Variants in ARHGEF6 observed in about 807,000 individuals in gnomAD.
ARHGEF6 encodes the protein rho guanine nucleotide exchange factor 6.
ARHGEF6 carries 9 observed loss-of-function variants against 70.3 expected under a neutral mutation model. That is an observed-to-expected ratio of 0.13 (90% confidence interval 0.08 to 0.22). The LOEUF (loss-of-function observed/expected upper bound fraction) is 0.22, where lower values mean the gene tolerates loss of function less well. Ranked by LOEUF, ARHGEF6 falls within the 10% of genes least tolerant of loss-of-function variation. The pLI is 1.00. For synonymous variants in ARHGEF6, 201 were observed against 207.8 expected, an observed-to-expected ratio of 0.97 and a Z score of 0.28; for missense variants, 470 against 563.0, an observed-to-expected ratio of 0.83 and a Z score of 1.67.
intron 9 of ARHGEF6, among the ~76,000 whole-genome samples, chrX:136,700,483 C>T (rs957146735): frequency 8.2e-5 from 9 of 109,895 alleles, no homozygotes; most frequent in African/African-American, 1.7e-4. Flanking sequence ...GCTGAGATCG[C>T]GCCACTGCAC....
At position 136,666,567 on chromosome X, in the gene ARHGEF6, C is replaced by T. The variant is rs900968944; in HGVS notation, c.*1462G>A. 3 of 112,037 alleles carry T rather than the reference C, an allele frequency of 2.7e-5. No individual in the cohort carries two copies. The highest frequency in any genetic ancestry group is 5.6e-5 in the Non-Finnish European group (3 of 53,202). The allele number at this position is 112,037 out of a possible 1,213,427, so 9.2% of individuals were successfully genotyped here. On this transcript the variant is annotated 3_prime_UTR_variant, in exon 22 of 22. Transcript: ENST00000250617. ...TATTTGCAAAACCCACATTTATAGGCATCCATCAAATATATTATAAAGGCA... is the reference window on the plus strand; with the variant it reads ...TATTTGCAAAACCCACATTTATAGGTATCCATCAAATATATTATAAAGGCA...
chrX:136,727,331 TTC>T (rs60585385), intron 6 of ARHGEF6, among the ~76,000 whole-genome samples: 3,729 of 45,029 alleles, frequency 0.083, 156 homozygotes, highest in African/African-American at 0.16. Context: ...TTCTTTTTCT[TTC>T]TTTCTTTCTT....
intron 7 of ARHGEF6, among the ~76,000 whole-genome samples, chrX:136,712,060 TTTTTC>T (rs1412679936): frequency 2.7e-5 from 3 of 112,155 alleles, no homozygotes; most frequent in Non-Finnish European, 3.8e-5. Flanking sequence ...CTCACAATAT[TTTTTC>T]TTTTCTTTTT....
intron 11 of ARHGEF6, 124 bp downstream of exon 11, chrX:136,687,808 C>T: frequency 3.2e-6 from 2 of 629,426 alleles, no homozygotes; most frequent in Non-Finnish European, 2.7e-6. Context: ...CACTGCTATA[C>T]TGTCATGAAA....
intron 19 of ARHGEF6, 24 bp from the exon 20 acceptor site, chrX:136,672,143 G>A: frequency 9.2e-7 from 1 of 1,088,992 alleles, no homozygotes; most frequent in Non-Finnish European, 1.3e-6. Flanking sequence ...TTGCAAGATG[G>A]GGGAGGAGGG....
chrX:136,669,383 C>T, intron 21 of ARHGEF6, 99 bp downstream of exon 21: 4 of 790,930 alleles, frequency 5.1e-6, no homozygotes, highest in Non-Finnish European at 5.8e-6. Flanking sequence ...TCCCCCCTCG[C>T]TACCTTGCTC....
intron 2 of ARHGEF6, among the ~76,000 whole-genome samples, chrX:136,751,029 G>A (rs1188193183): frequency 9.0e-6 from 1 of 111,018 alleles, no homozygotes; most frequent in Non-Finnish European, 1.9e-5. Flanking sequence ...TAGAAATGGG[G>A]TTTCATCATG....
At chrX:136,762,896 T>C (rs2077277467) in intron 2 of ARHGEF6, among the ~76,000 whole-genome samples, 1 of 111,512 alleles carries the variant, frequency 9.0e-6, no homozygotes, top group South Asian at 3.7e-4. Context: ...CTCAAGCTCA[T>C]AGTCCCTGCA....
intron 20 of ARHGEF6, among the ~76,000 whole-genome samples, chrX:136,670,845 G>T (rs760910160): frequency 3.6e-5 from 4 of 110,865 alleles, no homozygotes; most frequent in African/African-American, 1.3e-4. Context: ...GTAATTTTTT[G>T]GTAATTACTG....
intron 2 of ARHGEF6, among the ~76,000 whole-genome samples, chrX:136,752,469 G>A (rs2077162202): frequency 8.9e-6 from 1 of 112,230 alleles, no homozygotes; most frequent in African/African-American, 3.2e-5. Context: ...TCTGTGCCAC[G>A]TGCAATGACA....
intron 5 of ARHGEF6, 39 bp from the exon 6 acceptor site, chrX:136,732,211 A>G (rs2076942835): frequency 1.9e-6 from 2 of 1,033,878 alleles, no homozygotes; most frequent in Admixed American, 2.3e-5. Flanking sequence ...ATATCACAGA[A>G]GGCTATGATG....
chrX:136,670,413 G>A (rs959306776), intron 20 of ARHGEF6, among the ~76,000 whole-genome samples: 2 of 111,378 alleles, frequency 1.8e-5, no homozygotes, highest in Non-Finnish European at 3.8e-5. Context: ...ATTTTTTTCT[G>A]AATATCTTTT....
At chrX:136,686,650 A>G (rs925539775) in intron 11 of ARHGEF6, among the ~76,000 whole-genome samples, 1 of 84,956 alleles carries the variant, frequency 1.2e-5, no homozygotes, top group Non-Finnish European at 2.2e-5. Flanking sequence ...ATACACACAT[A>G]TATATATACA....
At chrX:136,723,733 G>A (rs2076823863) in intron 6 of ARHGEF6, among the ~76,000 whole-genome samples, 1 of 110,473 alleles carries the variant, frequency 9.1e-6, no homozygotes, top group Admixed American at 9.6e-5. Context: ...AGACCAGCCT[G>A]GCCAACATGG....
At chrX:136,747,682 CGGAAAAAAAAA>C (rs2077109042) in intron 2 of ARHGEF6, 90 bp from the exon 3 acceptor site, 1 of 191,754 alleles carries the variant, frequency 5.2e-6, no homozygotes, top group Non-Finnish European at 8.8e-6. Flanking sequence ...TCCAGCTCTC[CGGAAAAAAAAA>C]AAAAAAAAAA....
chrX:136,721,508 A>C (rs1170220431), intron 6 of ARHGEF6, among the ~76,000 whole-genome samples: 2 of 111,619 alleles, frequency 1.8e-5, no homozygotes, highest in African/African-American at 6.5e-5. Context: ...GGTTGCAGTG[A>C]GCCAGAATCA....
intron 5 of ARHGEF6, among the ~76,000 whole-genome samples, chrX:136,742,843 C>T (rs1301693203): frequency 9.0e-6 from 1 of 111,075 alleles, no homozygotes; most frequent in African/African-American, 3.3e-5. Context: ...GTGTGGAAGG[C>T]GTGCACCTGT....
intron 5 of ARHGEF6, among the ~76,000 whole-genome samples, chrX:136,733,376 C>G (rs2076954993): frequency 1.8e-5 from 2 of 110,543 alleles, no homozygotes; most frequent in Admixed American, 1.9e-4. Context: ...CTATTGCAGT[C>G]CCACCCCCAA....
At chrX:136,756,160 A>G (rs1224811158) in intron 2 of ARHGEF6, among the ~76,000 whole-genome samples, 1 of 112,156 alleles carries the variant, frequency 8.9e-6, no homozygotes, top group East Asian at 2.8e-4. Context: ...GATATCACTT[A>G]GGAAAGAAAA....
Sources: gnomAD v4.1 joint callset for allele counts (sites outside exome capture counted in the v4.1 genomes callset) on GRCh38, gnomAD v4.1.1 for gene constraint, MANE v1.5 for transcripts, NCBI Gene and HGNC (gene_info 2026-07-23, HGNC 2026-07-21) for gene names.